The following SGPP2 variants were observed in gnomAD, a reference collection of about 807,000 sequenced individuals.
SGPP2 encodes the protein sphingosine-1-phosphate phosphatase 2, also known as sphingosine 1-phosphate phosphohydrolase 2.
A neutral mutation model predicts 33.9 loss-of-function variants in SGPP2; 30 were observed. The observed-to-expected ratio is 0.89, with a 90% CI of 0.66 to 1.20. SGPP2 has a LOEUF of 1.20. SGPP2 is among the 50% of genes most tolerant of loss of function. The probability of loss-of-function intolerance (pLI) is 0.00; values close to 1 mark genes in which losing one functional copy is unlikely to be tolerated. For missense variants in SGPP2, 458 were observed against 532.1 expected, an observed-to-expected ratio of 0.86 and a Z score of 1.37; for synonymous variants, 233 against 225.0, an observed-to-expected ratio of 1.04 and a Z score of -0.32.
chr2:222,510,277 C>G (rs1698506550), intron 2 of SGPP2, among the ~76,000 whole-genome samples: 2 of 152,084 alleles, frequency 1.3e-5, no homozygotes, highest in African/African-American at 4.8e-5. Flanking sequence ...GTCTGTTTAT[C>G]CAAGTCATCT....
intron 4 of SGPP2, among the ~76,000 whole-genome samples, chr2:222,541,976 A>G (rs1266880245): frequency 1.3e-5 from 2 of 152,174 alleles, no homozygotes; most frequent in African/African-American, 4.8e-5. Flanking sequence ...CAAATTGTAA[A>G]TGTGCAGCTC....
intron 1 of SGPP2, among the ~76,000 whole-genome samples, chr2:222,459,992 A>G (rs968723990): frequency 1.2e-4 from 19 of 152,296 alleles, no homozygotes; most frequent in African/African-American, 4.6e-4. Context: ...AATATTTTTG[A>G]CAAGCTCTGT....
At chr2:222,444,727 T>G (rs1697374456) in intron 1 of SGPP2, among the ~76,000 whole-genome samples, 1 of 152,156 alleles carries the variant, frequency 6.6e-6, no homozygotes, top group Non-Finnish European at 1.5e-5. Flanking sequence ...AGACGCCTGA[T>G]AGAAATGTTA....
At chr2:222,493,533 A>G (rs1332417522) in intron 2 of SGPP2, among the ~76,000 whole-genome samples, 2 of 152,150 alleles carry the variant, frequency 1.3e-5, no homozygotes, top group African/African-American at 4.8e-5. Flanking sequence ...CACAAGTCTC[A>G]CTTTGTTGCC....
chr2:222,495,792 TCTGTACAAAATAC>T (rs1287876244), intron 2 of SGPP2, among the ~76,000 whole-genome samples: 1 of 152,118 alleles, frequency 6.6e-6, no homozygotes, highest in Non-Finnish European at 1.5e-5. Context: ...CCCTGGTCAG[TCTGTACAAAATAC>T]CTGCCACCTT....
At position 222,460,999 on chromosome 2, in the gene SGPP2, C is replaced by T. The variant is rs1697650821; in HGVS notation, c.220-13569C>T. 6.6e-6 allele frequency among the ~76,000 whole-genome samples: 1 copy of T among 152,148 alleles called. No homozygotes were observed. The highest frequency in any genetic ancestry group is 2.4e-5 in the African/African-American group (1 of 41,432). ...GCAGCCTTGAACCCCCAGGCTCAAA[C>T]ACTCCTCCTGCCTTCCAAAGTGCTG... is the stretch of plus-strand genomic sequence containing the variant. On this transcript the variant is annotated intron_variant, in intron 1 of 4. Coordinates refer to ENST00000321276, the MANE Select transcript of SGPP2 (RefSeq NM_152386.4). The surrounding 1 kb of genome is among the most constrained non-coding windows in gnomAD (Gnocchi z 4.3).
chr2:222,547,686 A>G (rs1689225534), intron 4 of SGPP2, among the ~76,000 whole-genome samples: 1 of 152,196 alleles, frequency 6.6e-6, no homozygotes, highest in South Asian at 2.1e-4. Flanking sequence ...AACCAGCACC[A>G]TTTAAAGAGA....
At chr2:222,556,463 C>A (rs1307606997) in intron 4 of SGPP2, among the ~76,000 whole-genome samples, 1 of 139,150 alleles carries the variant, frequency 7.2e-6, no homozygotes, top group Non-Finnish European at 1.6e-5. Context: ...CACTCTCACT[C>A]CCCCGCATCC....
In SGPP2 at chr2:222,558,521, G is replaced by A. The variant is rs749537180; in HGVS notation, c.823G>A (p.Ala275Thr). The stretch of plus-strand genomic sequence containing the variant: ...TTCTGATTACTACAGCCCAACCCGG[G>A]CGGACACCACCACCATTCTGGCTGC... The part of the protein sequence containing the change: ...PVSDYYSPTR[A>T]DTTTILAAGA... The change falls in exon 5 of 5, where the codon GCG (alanine) becomes ACG (threonine). Residue 275 changes from alanine to threonine, a missense_variant. Physicochemically the swap from Ala to Thr is moderately conservative, Grantham distance 58. Transcript: ENST00000321276. 6.2e-7 allele frequency: 1 copy of A among 1,614,192 alleles called. No individual in the cohort carries two copies. The highest frequency in any genetic ancestry group is 1.1e-5 in the South Asian group (1 of 91,088).
intron 1 of SGPP2, among the ~76,000 whole-genome samples, chr2:222,441,427 T>C (rs1291418837): frequency 6.6e-6 from 1 of 152,228 alleles, no homozygotes; most frequent in East Asian, 1.9e-4. Context: ...AAATTCCATA[T>C]ACATCTAGAC....
chr2:222,517,879 G>T (rs997252451), intron 2 of SGPP2, among the ~76,000 whole-genome samples: 4 of 152,212 alleles, frequency 2.6e-5, no homozygotes, highest in African/African-American at 9.6e-5. Context: ...ACTTTAACCA[G>T]CCCCAGGTTC....
chr2:222,556,491 A>G (rs1328144639), intron 4 of SGPP2, among the ~76,000 whole-genome samples: 1 of 62,564 alleles, frequency 1.6e-5, no homozygotes, highest in Non-Finnish European at 3.3e-5. Context: ...CTTCCCCCAC[A>G]CCCTCATTCC....
chr2:222,457,021 T>C (rs1293134603), intron 1 of SGPP2, among the ~76,000 whole-genome samples: 1 of 152,168 alleles, frequency 6.6e-6, no homozygotes, highest in Non-Finnish European at 1.5e-5. Context: ...ATTTAAGCTG[T>C]TTCTATTATT....
chr2:222,472,771 A>G (rs746697011), intron 1 of SGPP2, among the ~76,000 whole-genome samples: 1 of 152,188 alleles, frequency 6.6e-6, no homozygotes, highest in Non-Finnish European at 1.5e-5. Context: ...GTTAAACTAA[A>G]CTAAAGGCCA....
At chr2:222,519,292 G>A (rs150296845) in intron 2 of SGPP2, among the ~76,000 whole-genome samples, 356 of 152,340 alleles carry the variant, frequency 2.3e-3, no homozygotes, top group African/African-American at 8.1e-3. Flanking sequence ...GTAGGTCTAA[G>A]GAGAATCCTG....
intron 1 of SGPP2, among the ~76,000 whole-genome samples, chr2:222,443,759 C>T (rs1041762160): frequency 1.3e-5 from 2 of 152,184 alleles, no homozygotes; most frequent in Non-Finnish European, 2.9e-5. Context: ...TGGCCCCTCA[C>T]AGAGGTCTGT....
chr2:222,515,772 C>T (rs1574872214), intron 2 of SGPP2, among the ~76,000 whole-genome samples: 1 of 152,114 alleles, frequency 6.6e-6, no homozygotes, highest in African/African-American at 2.4e-5. Flanking sequence ...AGCGTGGTGG[C>T]TCATGCCTAT....
At chr2:222,491,385 G>A (rs769777601) in intron 2 of SGPP2, among the ~76,000 whole-genome samples, 5 of 152,110 alleles carry the variant, frequency 3.3e-5, no homozygotes, top group African/African-American at 7.2e-5. Flanking sequence ...TATAAACAAC[G>A]GAGGTTTAAT....
intron 2 of SGPP2, among the ~76,000 whole-genome samples, chr2:222,495,594 C>T (rs1423804135): frequency 6.6e-6 from 1 of 152,172 alleles, no homozygotes; most frequent in East Asian, 1.9e-4. Flanking sequence ...AAAACAGAAA[C>T]CATGAAGATA....
Sources: allele counts gnomAD v4.1 joint callset (sites outside exome capture counted in the v4.1 genomes callset), GRCh38; gene constraint gnomAD v4.1.1; non-coding constraint Gnocchi (gnomAD v3.1); transcripts MANE v1.5; gene names NCBI Gene and HGNC (gene_info 2026-07-23, HGNC 2026-07-21).